BMAL2: variants seen among roughly 807,000 people sequenced by gnomAD.
BMAL2 encodes the protein basic helix-loop-helix ARNT-like protein 2.
At chr12:27,342,167 G>A in the BMAL2 span, among the ~76,000 whole-genome samples, 1 of 152,114 alleles carries the variant, frequency 6.6e-6, no homozygotes, top group Non-Finnish European at 1.5e-5. Flanking sequence ...CGAACTCCAA[G>A]CCTCAAGTGA....
the BMAL2 span, among the ~76,000 whole-genome samples, chr12:27,399,000 G>A: frequency 6.6e-6 from 1 of 152,116 alleles, no homozygotes; most frequent in Admixed American, 6.5e-5. Context: ...ATTTCTCTTT[G>A]AACTGCCTGG....
At chr12:27,410,079 A>G in the BMAL2 span, among the ~76,000 whole-genome samples, 3 of 151,930 alleles carry the variant, frequency 2.0e-5, 1 homozygote, top group African/African-American at 7.2e-5. Context: ...GGCGATCATT[A>G]AAAAGTCAGG....
At chr12:27,406,109 A>C in the BMAL2 span, among the ~76,000 whole-genome samples, 2 of 152,224 alleles carry the variant, frequency 1.3e-5, no homozygotes, top group Non-Finnish European at 2.9e-5. Flanking sequence ...GACCAAATCT[A>C]CGTCTGATTG....
the BMAL2 span, among the ~76,000 whole-genome samples, chr12:27,411,758 A>G: frequency 6.6e-6 from 1 of 152,166 alleles, no homozygotes; most frequent in Non-Finnish European, 1.5e-5. Context: ...CTTAGCAGAT[A>G]TGTGATTGGC....
the BMAL2 span, among the ~76,000 whole-genome samples, chr12:27,393,566 A>G: frequency 6.6e-6 from 1 of 152,196 alleles, no homozygotes; most frequent in Non-Finnish European, 1.5e-5. Context: ...AGGACTAAAG[A>G]TTCCTCCCTG....
chr12:27,420,249 T>A, the BMAL2 span: 2 of 927,124 alleles, frequency 2.2e-6, no homozygotes, highest in African/African-American at 3.4e-5. Flanking sequence ...GCTTAAGATA[T>A]ATACTTTGCC....
the BMAL2 span, chr12:27,420,362 C>A: frequency 2.5e-6 from 4 of 1,612,290 alleles, no homozygotes; most frequent in African/African-American, 1.3e-5. Context: ...TACTGATCAC[C>A]TTTACTTACA....
At chr12:27,405,501 C>T in the BMAL2 span, among the ~76,000 whole-genome samples, 1 of 152,200 alleles carries the variant, frequency 6.6e-6, no homozygotes, top group Non-Finnish European at 1.5e-5. Flanking sequence ...CTGGAGTGGA[C>T]CTTCAGCAAA....
the BMAL2 span, among the ~76,000 whole-genome samples, chr12:27,378,940 C>T: frequency 6.6e-6 from 1 of 151,960 alleles, no homozygotes; most frequent in African/African-American, 2.4e-5. Context: ...CCAGGGGTAT[C>T]CAATCGTTTG....
chr12:27,391,489 G>A, the BMAL2 span, among the ~76,000 whole-genome samples: 2 of 152,176 alleles, frequency 1.3e-5, no homozygotes, highest in Non-Finnish European at 2.9e-5. Flanking sequence ...GAACAGTGCT[G>A]CAATGAACAT....
chr12:27,356,014 T>C, the BMAL2 span, among the ~76,000 whole-genome samples: 1 of 152,190 alleles, frequency 6.6e-6, no homozygotes, highest in South Asian at 2.1e-4. Flanking sequence ...TGTTTTAATA[T>C]TGTATCTGAG....
the BMAL2 span, chr12:27,420,486 G>C: frequency 6.2e-7 from 1 of 1,613,256 alleles, no homozygotes; most frequent in Non-Finnish European, 8.5e-7. Context: ...GCAGAGGGGG[G>C]CCTGGGAGAC....
chr12:27,333,598 T>C, the BMAL2 span, among the ~76,000 whole-genome samples: 2 of 152,230 alleles, frequency 1.3e-5, no homozygotes, highest in Non-Finnish European at 2.9e-5. Flanking sequence ...GAGCTGATAA[T>C]ACTCGCGGCT....
chr12:27,338,419 A>G, the BMAL2 span, among the ~76,000 whole-genome samples: 2 of 152,054 alleles, frequency 1.3e-5, no homozygotes, highest in Non-Finnish European at 2.9e-5. Context: ...AGGCTTTCAG[A>G]GAAGGGGTTA....
At chr12:27,422,258 G>A in the BMAL2 span, 1 of 152,144 alleles carries the variant, frequency 6.6e-6, no homozygotes, top group Non-Finnish European at 1.5e-5. Context: ...AACTCATGGG[G>A]CAGCCCTCAG....
the BMAL2 span, among the ~76,000 whole-genome samples, chr12:27,360,230 C>G: frequency 8.5e-5 from 13 of 152,076 alleles, no homozygotes; most frequent in East Asian, 1.2e-3. Flanking sequence ...AAAATAACTT[C>G]CCAGTACCCT....
the BMAL2 span, chr12:27,370,096 G>A: frequency 6.6e-7 from 1 of 1,516,130 alleles, no homozygotes; most frequent in Non-Finnish European, 9.2e-7. Context: ...GAACATCTGG[G>A]TAGGGGGTGA....
the BMAL2 span, chr12:27,418,159 G>C: frequency 6.2e-7 from 1 of 1,613,434 alleles, no homozygotes; most frequent in Non-Finnish European, 8.5e-7. Flanking sequence ...GGCAAAACCA[G>C]AGTACTGTTG....
the BMAL2 span, among the ~76,000 whole-genome samples, chr12:27,386,817 A>C: frequency 6.6e-6 from 1 of 152,020 alleles, no homozygotes; most frequent in African/African-American, 2.4e-5. Context: ...TTTTGTCAAG[A>C]CAGGGTTTCG....
Sources: gnomAD v4.1 joint callset for allele counts (sites outside exome capture counted in the v4.1 genomes callset) on GRCh38, gnomAD v4.1.1 for gene constraint, MANE v1.5 for transcripts, NCBI Gene and HGNC (gene_info 2026-07-23, HGNC 2026-07-21) for gene names.